The following PTPN9 variants were observed in gnomAD, a reference collection of about 807,000 sequenced individuals.
PTPN9 encodes the protein protein tyrosine phosphatase non-receptor type 9.
Under a neutral mutation model 69.8 loss-of-function variants are expected in PTPN9, and 26 were observed. That is an observed-to-expected ratio of 0.37 (90% CI 0.27 to 0.52). The LOEUF is 0.52. PTPN9 is among the 20% of genes least tolerant of loss of function. PTPN9 has a pLI of 0.91. For missense variants in PTPN9, 549 were observed against 740.3 expected, an observed-to-expected ratio of 0.74 and a Z score of 3.00; for synonymous variants, 274 against 272.5, an observed-to-expected ratio of 1.01 and a Z score of -0.05.
Position 75,510,964 on chromosome 15 carries a change from C to T in PTPN9, c.529-1937G>A, listed in dbSNP as rs974266974. Among the ~76,000 whole-genome samples, 4 of 152,164 alleles carry T rather than the reference C, an allele frequency of 2.6e-5. No individual in the cohort carries two copies. The East Asian group carries it at 7.7e-4, about 29-fold the overall frequency. ...AGGTCCTCGTATTATTGGAATCCTA[C>T]TATATTTGTCCTTTTTTGTCTTGTT... On this transcript the variant is annotated intron_variant, in intron 5 of 12. Transcript: ENST00000618819.
At chr15:75,554,810 G>A (rs2075070306) in intron 1 of PTPN9, among the ~76,000 whole-genome samples, 1 of 152,192 alleles carries the variant, frequency 6.6e-6, no homozygotes, top group Non-Finnish European at 1.5e-5. Flanking sequence ...TGAGGCATCA[G>A]CTCCCCAGCA....
chr15:75,573,904 T>C (rs1229401799), intron 1 of PTPN9, among the ~76,000 whole-genome samples: 2 of 152,102 alleles, frequency 1.3e-5, no homozygotes, highest in Non-Finnish European at 2.9e-5. Flanking sequence ...AAGGAAGGCC[T>C]TCCAAGGAGG....
intron 1 of PTPN9, among the ~76,000 whole-genome samples, chr15:75,544,358 TC>T (rs1225693346): frequency 2.0e-5 from 3 of 152,036 alleles, no homozygotes; most frequent in Non-Finnish European, 2.9e-5. Context: ...CACAGGGTTA[TC>T]CAATCTCCAC....
At position 75,510,947 on chromosome 15, in the gene PTPN9, G is replaced by A. The variant is rs962948430; in HGVS notation, c.529-1920C>T. Among the ~76,000 whole-genome samples, 7 of 151,978 alleles carry A rather than the reference G, an allele frequency of 4.6e-5. No homozygotes were observed. In the South Asian group the frequency reaches 6.2e-4, roughly 14 times the overall value. On this transcript the variant is annotated intron_variant, in intron 5 of 12. Transcript: ENST00000618819. Reference sequence around the variant, plus strand: ...ATGAATTTGCCTATTTTAGGTCCTCGTATTATTGGAATCCTACTATATTTG... The same window carrying A: ...ATGAATTTGCCTATTTTAGGTCCTCATATTATTGGAATCCTACTATATTTG...
At chr15:75,481,159 C>G (rs1456366733) in intron 8 of PTPN9, among the ~76,000 whole-genome samples, 3 of 72,228 alleles carry the variant, frequency 4.2e-5, no homozygotes, top group South Asian at 5.9e-4. Flanking sequence ...TCTGCCCGGC[C>G]GAGACCCCCT....
At chr15:75,502,505 C>T (rs187815043) in intron 7 of PTPN9, among the ~76,000 whole-genome samples, 77 of 151,852 alleles carry the variant, frequency 5.1e-4, no homozygotes, top group Admixed American at 1.4e-3. Flanking sequence ...TGTGCGCCAC[C>T]ACACCCAGCT....
rs144253054 is a variant in PTPN9, at chr15:75,538,731, C to T, written c.64-11470G>A. ...AAAGAAGAGAATAAAATTCAGAAAC[C>T]ACACAGTGTATATCTAAGTATACAG... On this transcript the variant is annotated intron_variant, in intron 1 of 12. Transcript: ENST00000618819. 8.1e-3 allele frequency among the ~76,000 whole-genome samples: 1,230 copies of T among 151,726 alleles called. 4 individuals are homozygous for T. Among genetic ancestry groups the T allele is most frequent in the South Asian group, 0.016 (76 of 4,804 alleles).
chr15:75,505,555 G>A (rs576412252), intron 7 of PTPN9, 120 bp downstream of exon 7: 1 of 662,638 alleles, frequency 1.5e-6, no homozygotes, highest in Non-Finnish European at 2.6e-6. Context: ...ATGTGAGAGT[G>A]ATGTTCCCTA....
intron 10 of PTPN9, among the ~76,000 whole-genome samples, chr15:75,471,095 T>C (rs1015822821): frequency 2.0e-5 from 3 of 152,200 alleles, no homozygotes; most frequent in Non-Finnish European, 4.4e-5. Flanking sequence ...TAATACGCAA[T>C]AGTACGTCTC....
intron 1 of PTPN9, among the ~76,000 whole-genome samples, chr15:75,559,111 C>T (rs1259242776): frequency 2.0e-5 from 3 of 151,582 alleles, no homozygotes; most frequent in African/African-American, 7.3e-5. Flanking sequence ...CGCCCATCGT[C>T]TGAGATGTGG....
chr15:75,503,477 C>T (rs1351750219), intron 7 of PTPN9, among the ~76,000 whole-genome samples: 3 of 146,450 alleles, frequency 2.0e-5, no homozygotes, highest in Admixed American at 6.7e-5. Context: ...TCCCTCTGCC[C>T]GGCAGCCACC....
intron 4 of PTPN9, among the ~76,000 whole-genome samples, chr15:75,520,118 C>A (rs1403065147): frequency 6.6e-6 from 1 of 151,972 alleles, no homozygotes; most frequent in Non-Finnish European, 1.5e-5. Flanking sequence ...AAAAGTGAGA[C>A]CCTGTCTCTT....
At chr15:75,526,092 T>C (rs1462096921) in intron 2 of PTPN9, among the ~76,000 whole-genome samples, 1 of 151,720 alleles carries the variant, frequency 6.6e-6, no homozygotes, top group African/African-American at 2.4e-5. Context: ...ACCTCCTTGG[T>C]TCAAGTGATT....
intron 7 of PTPN9, among the ~76,000 whole-genome samples, chr15:75,504,187 C>CCCCCG (rs2074798298): frequency 8.4e-6 from 1 of 118,954 alleles, no homozygotes; most frequent in Non-Finnish European, 1.8e-5. Flanking sequence ...GGGGGGTCAG[C>CCCCCG]CCCATGTCCG....
At position 75,491,858 on chromosome 15, in the gene PTPN9, C is replaced by A. The variant is rs866256321; in HGVS notation, c.969-1557G>T. Among the ~76,000 whole-genome samples the A allele has an allele frequency of 2.6e-5, 4 of 152,292 alleles. No homozygotes were observed. The East Asian group carries it at 7.7e-4, about 29-fold the overall frequency. On this transcript the variant is annotated intron_variant, in intron 7 of 12. Coordinates refer to ENST00000618819, the MANE Select transcript of PTPN9 (RefSeq NM_002833.4). ...CAGCTGCAGATAAAAATTTCTACTA[C>A]TTATTTGTCAAAAGATGTTCAAACC...
chr15:75,556,403 G>C (rs919226253), intron 1 of PTPN9, among the ~76,000 whole-genome samples: 33 of 141,976 alleles, frequency 2.3e-4, no homozygotes, highest in African/African-American at 8.7e-4. Flanking sequence ...TTTGAGACAG[G>C]GTCTCGCTCT....
At chr15:75,524,777 C>CAAAAAAAA (rs10699634) in intron 2 of PTPN9, among the ~76,000 whole-genome samples, 3 of 72,928 alleles carry the variant, frequency 4.1e-5, no homozygotes, top group African/African-American at 7.0e-5. Context: ...GACTCTGTCT[C>CAAAAAAAA]AAAAAAAAAA....
intron 5 of PTPN9, among the ~76,000 whole-genome samples, chr15:75,515,496 A>G (rs547166272): frequency 2.0e-5 from 3 of 151,978 alleles, no homozygotes; most frequent in South Asian, 4.2e-4. Context: ...GGCCAGGCAC[A>G]GTGGCCAACA....
intron 1 of PTPN9, among the ~76,000 whole-genome samples, chr15:75,549,282 T>A (rs1567517647): frequency 6.6e-6 from 1 of 152,018 alleles, no homozygotes; most frequent in Non-Finnish European, 1.5e-5. Context: ...CTCACTGCAG[T>A]CTTGACCTCC....
Sources: allele counts gnomAD v4.1 joint callset (sites outside exome capture counted in the v4.1 genomes callset), GRCh38; gene constraint gnomAD v4.1.1; transcripts MANE v1.5; gene names NCBI Gene and HGNC (gene_info 2026-07-23, HGNC 2026-07-21).